CACNA1B: variants seen among roughly 807,000 people sequenced by gnomAD.
CACNA1B encodes calcium voltage-gated channel subunit alpha1 B, also known as voltage-dependent N-type calcium channel subunit alpha-1B.
In CACNA1B, 70 loss-of-function variants were observed where a neutral mutation model predicts 247.2. The ratio of observed to expected loss-of-function variants is 0.28; its 90% CI spans 0.23 to 0.35. The LOEUF (loss-of-function observed/expected upper bound fraction) is 0.35, where lower values mean the gene tolerates loss of function less well. CACNA1B is among the 10% of genes least tolerant of loss of function. The pLI is 1.00. For missense variants in CACNA1B, 2,367 were observed against 3,197.4 expected (o/e 0.74, Z 6.26); for synonymous variants, 1,231 against 1,294.4 (o/e 0.95, Z 1.05).
intron 6 of CACNA1B, among the ~76,000 whole-genome samples, chr9:137,943,900 C>T (rs997384767): frequency 1.3e-5 from 2 of 152,284 alleles, no homozygotes; most frequent in African/African-American, 4.8e-5. Context: ...CATGAGTTTG[C>T]CCACATCCTG....
At chr9:137,908,570 C>G (rs1007738950) in intron 3 of CACNA1B, among the ~76,000 whole-genome samples, 22 of 152,100 alleles carry the variant, frequency 1.4e-4, no homozygotes, top group Admixed American at 2.6e-4. Context: ...ACTTAACACA[C>G]CATATAATTT....
intron 31 of CACNA1B, among the ~76,000 whole-genome samples, chr9:138,061,031 C>T (rs541503024): frequency 6.6e-6 from 1 of 152,324 alleles, no homozygotes; most frequent in African/African-American, 2.4e-5. Context: ...CTACTTGTTG[C>T]CGTTCTTTTT....
rs1226490567 is a variant in CACNA1B, at chr9:137,950,347, A to G, written c.967-1927A>G. Among the ~76,000 whole-genome samples, 1 of 152,188 alleles carries G rather than the reference A, an allele frequency of 6.6e-6. No individual in the cohort carries two copies. Among genetic ancestry groups the G allele is most frequent in the African/African-American group, 2.4e-5 (1 of 41,438 alleles). On this transcript the variant is annotated intron_variant, in intron 6 of 46. Coordinates refer to ENST00000371372, the MANE Select transcript of CACNA1B (RefSeq NM_000718.4). The surrounding 1 kb of genome is among the most constrained non-coding windows in gnomAD (Gnocchi z 4.8). ...CACAAGGCCCTTCTGATAGCTCCCT[A>G]GCTGCAGGGGGTGCCCCTACTGCCT...
At position 138,123,657 on chromosome 9, in the gene CACNA1B, C is replaced by T. The variant is rs1962176722; in HGVS notation, c.*1658C>T. Reference sequence around the variant, plus strand: ...GTGTGGATGTCATTAACCCATAGGGCTATGCAACAAAAGACACATTTAATA... The same window carrying T: ...GTGTGGATGTCATTAACCCATAGGGTTATGCAACAAAAGACACATTTAATA... On this transcript the variant is annotated 3_prime_UTR_variant, in exon 47 of 47. Coordinates refer to ENST00000371372, the MANE Select transcript of CACNA1B (RefSeq NM_000718.4). 1 of 151,804 alleles carries T rather than the reference C, an allele frequency of 6.6e-6. No homozygotes were observed. 9.4% of individuals were successfully genotyped at this position (151,804 alleles called of 1,614,324 possible). A position where few individuals can be genotyped will look rare whatever the true frequency, so the allele number is the denominator to read the frequency against.
At position 137,965,365 on chromosome 9, in the gene CACNA1B, G is replaced by A. The variant is rs564329041; in HGVS notation, c.1334-6018G>A. Among the ~76,000 whole-genome samples the A allele has an allele frequency of 5.3e-5, 8 of 152,344 alleles. No homozygotes were observed. The South Asian group carries it at 8.3e-4, about 16-fold the overall frequency. On this transcript the variant is annotated intron_variant, in intron 10 of 46. Coordinates refer to ENST00000371372, the MANE Select transcript of CACNA1B (RefSeq NM_000718.4). The stretch of plus-strand genomic sequence containing the variant: ...TGTGTCCTGTGTTTAAAAGATATTG[G>A]ATTATAGGTATATTTATTAAAATCA...
In CACNA1B at chr9:138,052,825, A is replaced by C. The variant is rs2133491893; in HGVS notation, c.3807+637A>C. 6.6e-6 allele frequency among the ~76,000 whole-genome samples: 1 copy of C among 152,308 alleles called. No homozygotes were observed. Among genetic ancestry groups the C allele is most frequent in the South Asian group, 2.1e-4 (1 of 4,828 alleles). On this transcript the variant is annotated intron_variant, in intron 25 of 46. Coordinates refer to ENST00000371372, the MANE Select transcript of CACNA1B (RefSeq NM_000718.4). The surrounding 1 kb of genome is among the most constrained non-coding windows in gnomAD (Gnocchi z 5.1). Reference sequence around the variant, plus strand: ...AAGGCGTCGGAGGCCCACTGGGTCCAGGGAGGAGTGGCACCTGCCCTGGCA... The same window carrying C: ...AAGGCGTCGGAGGCCCACTGGGTCCCGGGAGGAGTGGCACCTGCCCTGGCA...
chr9:137,991,015 A>G (rs1958426051), intron 15 of CACNA1B, among the ~76,000 whole-genome samples: 1 of 152,224 alleles, frequency 6.6e-6, no homozygotes, highest in African/African-American at 2.4e-5. Flanking sequence ...TTCTGGTAAT[A>G]TGACAAAACA....
At chr9:138,031,744 T>C (rs2133451248) in intron 20 of CACNA1B, among the ~76,000 whole-genome samples, 1 of 152,340 alleles carries the variant, frequency 6.6e-6, no homozygotes, top group East Asian at 1.9e-4. Flanking sequence ...CCTTTAATTG[T>C]TGTGTAACGT....
chr9:137,911,059 A>C (rs1338786969), intron 3 of CACNA1B, among the ~76,000 whole-genome samples: 1 of 151,980 alleles, frequency 6.6e-6, no homozygotes, highest in Non-Finnish European at 1.5e-5. Flanking sequence ...TACTTTCTGT[A>C]TTTGGTGTAA....
Position 137,957,646 on chromosome 9 carries a change from C to A in CACNA1B, c.1292C>A (p.Ala431Glu). 1 of 1,603,964 alleles carries A rather than the reference C, an allele frequency of 6.2e-7. No individual in the cohort carries two copies. Among genetic ancestry groups the A allele is most frequent in the Non-Finnish European group, 8.5e-7 (1 of 1,175,448 alleles). Residue 431 changes from alanine to glutamate, a missense_variant, in exon 10 of 47, where the codon GCA (alanine) becomes GAA (glutamate). Ala to Glu is a moderately radical substitution (Grantham distance 107). Coordinates refer to ENST00000371372, the MANE Select transcript of CACNA1B (RefSeq NM_000718.4). This position sits in a 1 kb window ranked among gnomAD's most constrained non-coding sequence, Gnocchi z 4.7. ...TKKSRNDLIH[A>E]EEGEDRFADL... is the part of the protein sequence containing the mutation. ...AAGAGCAGAAATGACCTGATCCACGCAGAGGAGGGAGAGGACCGGTTTGCA... is the reference window on the plus strand; with the variant it reads ...AAGAGCAGAAATGACCTGATCCACGAAGAGGAGGGAGAGGACCGGTTTGCA...
At chr9:138,071,774 T>C (rs1960142427) in intron 32 of CACNA1B, among the ~76,000 whole-genome samples, 2 of 152,126 alleles carry the variant, frequency 1.3e-5, no homozygotes, top group Admixed American at 1.3e-4. Context: ...TTTTCCCCAG[T>C]GTCTTCAGGG....
At chr9:138,055,700 C>A (rs999547166) in intron 26 of CACNA1B, among the ~76,000 whole-genome samples, 1 of 152,118 alleles carries the variant, frequency 6.6e-6, no homozygotes, top group Admixed American at 6.6e-5. Flanking sequence ...ATCATTCTTA[C>A]CCAGTGTAAT....
intron 25 of CACNA1B, 142 bp from the exon 26 acceptor site, chr9:138,053,704 C>T: frequency 1.5e-6 from 1 of 682,800 alleles, no homozygotes; most frequent in South Asian, 1.6e-5. Context: ...CACCCATTCC[C>T]TTACGGCCAT....
intron 15 of CACNA1B, among the ~76,000 whole-genome samples, chr9:138,003,473 TTGGA>T (rs1467010143): frequency 1.3e-5 from 2 of 151,598 alleles, no homozygotes; most frequent in African/African-American, 4.8e-5. Flanking sequence ...CTTTATGACC[TTGGA>T]TGGAGAGGAA....
rs759936877 is a variant in CACNA1B, at chr9:138,052,185, C to T, written c.3804C>T (p.Leu1268=). ...AGACCATCAAACGGCTGCCCAAGCT[C>T]AAGGTTAGAGCCTGGAGTTGGGGCT... ...PLKTIKRLPK[L]KAVFDCVVNS... The change falls in exon 25 of 47, where the codon CTC becomes CTT. Residue 1268 remains leucine, a synonymous_variant. Transcript: ENST00000371372. This position sits in a 1 kb window ranked among gnomAD's most constrained non-coding sequence, Gnocchi z 5.1. The T allele has an allele frequency of 6.3e-7, 1 of 1,598,338 alleles. No homozygotes were observed. Among genetic ancestry groups the T allele is most frequent in the Non-Finnish European group, 8.6e-7 (1 of 1,167,832 alleles).
In CACNA1B at chr9:137,952,242, G is replaced by A; in HGVS notation, c.967-32G>A. The A allele has an allele frequency of 6.3e-7, 1 of 1,577,750 alleles. No individual in the cohort carries two copies. ...GTGGCCGGGACTGTGTTTTGTCCCT[G>A]TCCTTCCTCATCTCCCTCTCCTTGC... On this transcript the variant is annotated intron_variant, in intron 6 of 46. Coordinates refer to ENST00000371372, the MANE Select transcript of CACNA1B (RefSeq NM_000718.4). The surrounding 1 kb of genome is among the most constrained non-coding windows in gnomAD (Gnocchi z 4.8).
intron 36 of CACNA1B, among the ~76,000 whole-genome samples, chr9:138,085,705 T>C (rs1374024014): frequency 2.0e-5 from 3 of 151,376 alleles, no homozygotes; most frequent in African/African-American, 4.9e-5. Flanking sequence ...AGAAATTTTA[T>C]AGACCAGGAG....
At chr9:138,022,919 A>G (rs1958866484) in intron 18 of CACNA1B, 92 bp from the exon 19 acceptor site, 1 of 1,378,722 alleles carries the variant, frequency 7.3e-7, no homozygotes, top group Non-Finnish European at 9.3e-7. Context: ...TCCCTGCGCC[A>G]TTACTCCATT....
At chr9:138,075,021 A>T (rs1460373426) in intron 34 of CACNA1B, among the ~76,000 whole-genome samples, 3 of 152,202 alleles carry the variant, frequency 2.0e-5, no homozygotes, top group Non-Finnish European at 4.4e-5. Flanking sequence ...AAAAGCATTT[A>T]AAAAAACATA....
Sources: allele counts gnomAD v4.1 joint callset (sites outside exome capture counted in the v4.1 genomes callset), GRCh38; gene constraint gnomAD v4.1.1; non-coding constraint Gnocchi (gnomAD v3.1); transcripts MANE v1.5; gene names NCBI Gene and HGNC (gene_info 2026-07-23, HGNC 2026-07-21).